Variants in KIF21A observed in about 807,000 individuals in gnomAD.
The protein encoded by KIF21A is kinesin-like protein KIF21A.
Under a neutral mutation model 202.9 loss-of-function variants are expected in KIF21A, and 114 were observed. The ratio of observed to expected loss-of-function variants is 0.56; its 90% CI spans 0.48 to 0.66. The LOEUF is 0.66. Among genes scored for constraint, KIF21A ranks in the 30% least tolerant of loss-of-function variants. The pLI is 0.00. For missense variants in KIF21A, 1,677 were observed against 1,994.9 expected (o/e 0.84, Z 3.04); for synonymous variants, 667 against 670.8 (o/e 0.99, Z 0.09).
intron 10 of KIF21A, among the ~76,000 whole-genome samples, chr12:39,355,263 G>A (rs1948678417): frequency 6.6e-6 from 1 of 152,148 alleles, no homozygotes; most frequent in South Asian, 2.1e-4. Context: ...GCTGCTTTTA[G>A]CCACCAGAAG....
At chr12:39,297,005 G>T (rs1281161310) in intron 37 of KIF21A, among the ~76,000 whole-genome samples, 3 of 152,208 alleles carry the variant, frequency 2.0e-5, no homozygotes. Flanking sequence ...CAGTGATTAA[G>T]TCTGGTGAAG....
At chr12:39,374,726 T>C (rs1477199736) in intron 1 of KIF21A, among the ~76,000 whole-genome samples, 2 of 152,154 alleles carry the variant, frequency 1.3e-5, no homozygotes, top group Non-Finnish European at 2.9e-5. Flanking sequence ...CTTTACTCTG[T>C]CACTGGAAAC....
intron 17 of KIF21A, among the ~76,000 whole-genome samples, chr12:39,334,094 G>A (rs576061588): frequency 1.1e-4 from 17 of 151,372 alleles, no homozygotes; most frequent in African/African-American, 3.9e-4. Flanking sequence ...TCAGCTACTC[G>A]GGAGGCTGAG....
chr12:39,372,181 G>T (rs1265390501), intron 1 of KIF21A, among the ~76,000 whole-genome samples: 1 of 152,106 alleles, frequency 6.6e-6, no homozygotes, highest in Non-Finnish European at 1.5e-5. Context: ...GGAAGAACAG[G>T]AATGACAATA....
intron 1 of KIF21A, among the ~76,000 whole-genome samples, chr12:39,436,372 C>A (rs986461203): frequency 1.5e-4 from 22 of 143,106 alleles, no homozygotes; most frequent in Middle Eastern, 3.5e-3. Context: ...TTTCAAGATC[C>A]CTTTCAACTT....
intron 1 of KIF21A, among the ~76,000 whole-genome samples, chr12:39,441,559 G>A (rs1939582275): frequency 6.8e-6 from 1 of 146,768 alleles, no homozygotes; most frequent in Non-Finnish European, 1.5e-5. Flanking sequence ...CTAACAATTG[G>A]ATAAGTAGCC....
intron 1 of KIF21A, among the ~76,000 whole-genome samples, chr12:39,431,788 T>C (rs1417962782): frequency 1.3e-5 from 2 of 152,142 alleles, no homozygotes; most frequent in African/African-American, 4.8e-5. Context: ...CAACAGAAGA[T>C]CCAATTCCTC....
intron 1 of KIF21A, among the ~76,000 whole-genome samples, chr12:39,421,965 T>G (rs892788088): frequency 6.6e-6 from 1 of 151,498 alleles, no homozygotes; most frequent in Admixed American, 6.6e-5. Flanking sequence ...TAGTACCTTT[T>G]TGTGGGATGG....
intron 1 of KIF21A, among the ~76,000 whole-genome samples, chr12:39,438,322 C>T (rs1223858965): frequency 1.3e-5 from 2 of 152,058 alleles, no homozygotes; most frequent in African/African-American, 4.8e-5. Context: ...TAGTTCCTTC[C>T]AGTTAATATA....
Position 39,326,335 on chromosome 12 carries a change from A to AG in KIF21A, c.3341-12_3341-11insC. 1 of 1,591,774 alleles carries AG rather than the reference A, an allele frequency of 6.3e-7. No homozygotes were observed. The highest frequency in any genetic ancestry group is 8.6e-7 in the Non-Finnish European group (1 of 1,160,410). ...TATCCTCTACATTTTCTACAAAAAA[A>AG]TGTTTAAAATGTAAGCATTATCCCC... On this transcript the variant is annotated splice_polypyrimidine_tract_variant and intron_variant, in intron 24 of 37. Coordinates refer to ENST00000361418, the MANE Select transcript of KIF21A (RefSeq NM_001173464.2).
intron 4 of KIF21A, among the ~76,000 whole-genome samples, chr12:39,367,442 A>G (rs1327114242): frequency 6.6e-6 from 1 of 152,230 alleles, no homozygotes; most frequent in African/African-American, 2.4e-5. Context: ...ACACTTTGGT[A>G]CAAACTGAGC....
At chr12:39,391,013 GATT>G (rs1325999946) in intron 1 of KIF21A, among the ~76,000 whole-genome samples, 1 of 152,074 alleles carries the variant, frequency 6.6e-6, no homozygotes, top group Non-Finnish European at 1.5e-5. Context: ...GTAACAGTAT[GATT>G]ATTATACTTG....
chr12:39,416,680 T>C (rs1211387835), intron 1 of KIF21A, among the ~76,000 whole-genome samples: 2 of 130,796 alleles, frequency 1.5e-5, no homozygotes, highest in Non-Finnish European at 3.1e-5. Context: ...TGTACATATA[T>C]ATGTGTGTAT....
intron 7 of KIF21A, among the ~76,000 whole-genome samples, chr12:39,361,605 A>T (rs1435114158): frequency 1.7e-5 from 1 of 59,958 alleles, no homozygotes; most frequent in Non-Finnish European, 2.7e-5. Context: ...TCCTGGGTTC[A>T]CGCCATTCTC....
intron 1 of KIF21A, among the ~76,000 whole-genome samples, chr12:39,424,471 G>A (rs1026371120): frequency 1.3e-5 from 2 of 152,138 alleles, no homozygotes; most frequent in African/African-American, 4.8e-5. Context: ...TTTATCTTCA[G>A]ACCAGACATC....
At chr12:39,366,928 G>T in intron 5 of KIF21A, 102 bp downstream of exon 5, 1 of 1,106,532 alleles carries the variant, frequency 9.0e-7, no homozygotes, top group Non-Finnish European at 1.4e-6. Flanking sequence ...AAAAAGGAAT[G>T]ACTAAATGAA....
intron 1 of KIF21A, among the ~76,000 whole-genome samples, chr12:39,400,195 T>A (rs1952057930): frequency 6.6e-6 from 1 of 152,234 alleles, no homozygotes. Context: ...AAGTTATTAA[T>A]GCTCAGCCTC....
At chr12:39,375,119 C>T (rs1950188978) in intron 1 of KIF21A, among the ~76,000 whole-genome samples, 1 of 152,082 alleles carries the variant, frequency 6.6e-6, no homozygotes, top group South Asian at 2.1e-4. Context: ...GTGGGCCCTG[C>T]CTTCTGTTCT....
chr12:39,306,104 C>G (rs940708508), intron 34 of KIF21A, among the ~76,000 whole-genome samples: 2 of 152,140 alleles, frequency 1.3e-5, no homozygotes, highest in African/African-American at 4.8e-5. Context: ...TTTCACAGTC[C>G]TACCTCAAAT....
Sources: gnomAD v4.1 joint callset for allele counts (sites outside exome capture counted in the v4.1 genomes callset) on GRCh38, gnomAD v4.1.1 for gene constraint, MANE v1.5 for transcripts, NCBI Gene and HGNC (gene_info 2026-07-23, HGNC 2026-07-21) for gene names.